Variants in DHTKD1 observed in about 807,000 individuals in gnomAD.
The protein encoded by DHTKD1 is dehydrogenase E1 and transketolase domain containing 1.
Under a neutral mutation model 101.8 loss-of-function variants are expected in DHTKD1, and 78 were observed. The ratio of observed to expected loss-of-function variants is 0.77; its 90% confidence interval spans 0.64 to 0.93. DHTKD1 has a LOEUF of 0.93. DHTKD1 is among the 40% of genes least tolerant of loss of function. The probability of loss-of-function intolerance (pLI) is 0.00; values close to 1 mark genes in which losing one functional copy is unlikely to be tolerated. For synonymous variants in DHTKD1, 462 were observed against 450.3 expected, an observed-to-expected ratio of 1.03 and a Z score of -0.33; for missense variants, 1,223 against 1,161.7, an observed-to-expected ratio of 1.05 and a Z score of -0.77.
At position 12,103,525 on chromosome 10, in the gene DHTKD1, G is replaced by GTA. The variant is rs1554793235; in HGVS notation, c.1896+2345_1896+2346insAT. Among the ~76,000 whole-genome samples, 2 of 127,710 alleles carry GTA rather than the reference G, an allele frequency of 1.6e-5. No homozygotes were observed. Among genetic ancestry groups the GTA allele is most frequent in the African/African-American group, 5.4e-5 (2 of 37,204 alleles). The allele number at this position is 127,710 out of a possible 152,430, so 83.8% of individuals were successfully genotyped here. Reference sequence around the variant, plus strand: ...TGTGTGTGTGTGTGTGTGTGTGTGTGTGTATGTATGTGACAGGTCCTCCTC... The same window carrying GTA: ...TGTGTGTGTGTGTGTGTGTGTGTGTGTATGTATGTATGTGACAGGTCCTCCTC... On this transcript the variant is annotated intron_variant, in intron 10 of 16. Coordinates refer to ENST00000263035, the MANE Select transcript of DHTKD1 (RefSeq NM_018706.7). This position sits in a 1 kb window ranked among gnomAD's most constrained non-coding sequence, Gnocchi z 4.8.
At chr10:12,069,862 C>T (rs953679948) in intron 1 of DHTKD1, among the ~76,000 whole-genome samples, 2 of 151,632 alleles carry the variant, frequency 1.3e-5, no homozygotes, top group African/African-American at 2.4e-5. Flanking sequence ...TTTAATGAGG[C>T]GGAGCTGTGG....
Position 12,103,263 on chromosome 10 carries a change from A to G in DHTKD1, c.1896+2082A>G, listed in dbSNP as rs929397765. ...TTTATTATTTAATACCATGTCCTCTATGTGAAGACCCTGGGAGAAACTCCT... is the reference window on the plus strand; with the variant it reads ...TTTATTATTTAATACCATGTCCTCTGTGTGAAGACCCTGGGAGAAACTCCT... On this transcript the variant is annotated intron_variant, in intron 10 of 16. Transcript: ENST00000263035. The surrounding 1 kb of genome is among the most constrained non-coding windows in gnomAD (Gnocchi z 4.8). 6.6e-6 allele frequency among the ~76,000 whole-genome samples: 1 copy of G among 152,098 alleles called. No individual in the cohort carries two copies. The highest frequency in any genetic ancestry group is 1.5e-5 in the Non-Finnish European group (1 of 68,022).
At chr10:12,092,981 G>A (rs979227796) in intron 6 of DHTKD1, among the ~76,000 whole-genome samples, 1 of 151,720 alleles carries the variant, frequency 6.6e-6, no homozygotes, top group Non-Finnish European at 1.5e-5. Context: ...TGGCTCAAGA[G>A]ATCCTCCCTC....
At chr10:12,116,922 A>G (rs1187764892) in intron 13 of DHTKD1, among the ~76,000 whole-genome samples, 3 of 151,920 alleles carry the variant, frequency 2.0e-5, no homozygotes, top group East Asian at 1.9e-4. Flanking sequence ...GCTGGTCTCA[A>G]ACTTGTGAGT....
chr10:12,102,254 T>A (rs2131617056), intron 10 of DHTKD1, among the ~76,000 whole-genome samples: 1 of 151,846 alleles, frequency 6.6e-6, no homozygotes, highest in East Asian at 1.9e-4. Context: ...TGAAACCCCA[T>A]CTCTACTAAA....
intron 14 of DHTKD1, among the ~76,000 whole-genome samples, 191 bp from the exon 15 acceptor site, chr10:12,118,558 A>AT (rs1453651768): frequency 2.0e-5 from 3 of 151,568 alleles, no homozygotes; most frequent in Non-Finnish European, 2.9e-5. Context: ...AATTTTTTGT[A>AT]TTTTTAGTAG....
rs540303661 is a variant in DHTKD1 at position 12,102,912 on chromosome 10, G to A, written c.1896+1731G>A. On this transcript the variant is annotated intron_variant, in intron 10 of 16. Coordinates refer to ENST00000263035, the MANE Select transcript of DHTKD1 (RefSeq NM_018706.7). The stretch of plus-strand genomic sequence containing the variant: ...TGGGATTACAGGCGTGAACCACCAC[G>A]CCTGGCCGAAGATTTAATTTATTAT... Among the ~76,000 whole-genome samples the A allele has an allele frequency of 2.7e-5, 4 of 148,738 alleles. No homozygotes were observed. In the South Asian group the frequency reaches 7.2e-4, roughly 27 times the overall value.
At chr10:12,116,964 G>A (rs556093719) in intron 13 of DHTKD1, among the ~76,000 whole-genome samples, 1 of 151,876 alleles carries the variant, frequency 6.6e-6, no homozygotes, top group African/African-American at 2.4e-5. Flanking sequence ...GCCTCCCAAA[G>A]TTCTAGGATC....
At chr10:12,116,679 C>G (rs1331882766) in intron 13 of DHTKD1, among the ~76,000 whole-genome samples, 2 of 151,960 alleles carry the variant, frequency 1.3e-5, no homozygotes, top group East Asian at 3.9e-4. Flanking sequence ...GCATGAGCCA[C>G]CGCGCCCAGT....
intron 1 of DHTKD1, among the ~76,000 whole-genome samples, chr10:12,076,488 C>G (rs546510623): frequency 1.1e-4 from 16 of 151,774 alleles, no homozygotes; most frequent in Non-Finnish European, 1.5e-5. Context: ...AAAAAAAGAG[C>G]TTTATTGTAC....
intron 6 of DHTKD1, among the ~76,000 whole-genome samples, 173 bp downstream of exon 6, chr10:12,091,857 T>G (rs1832995661): frequency 6.6e-6 from 1 of 152,066 alleles, no homozygotes; most frequent in Admixed American, 6.6e-5. Context: ...CAGCCTGTAG[T>G]GCAGCAGCAC....
chr10:12,091,791 A>G (rs1832994506), intron 6 of DHTKD1, 107 bp downstream of exon 6: 3 of 783,440 alleles, frequency 3.8e-6, no homozygotes, highest in Middle Eastern at 6.9e-4. Context: ...CCCTCCTTTC[A>G]TTTAATTAAT....
intron 11 of DHTKD1, among the ~76,000 whole-genome samples, chr10:12,106,666 G>A (rs906749952): frequency 2.0e-5 from 3 of 152,256 alleles, no homozygotes; most frequent in Non-Finnish European, 2.9e-5. Flanking sequence ...ATGAAAACCC[G>A]CTCCAGTGTC....
At chr10:12,069,518 C>CTTTTTTTTTTTTTTTTTT (rs10691718) in intron 1 of DHTKD1, among the ~76,000 whole-genome samples, 2 of 81,552 alleles carry the variant, frequency 2.5e-5, no homozygotes, top group African/African-American at 5.2e-5. Context: ...TTTTTGTTTC[C>CTTTTTTTTTTTTTTTTTT]TTTTTTTTTT....
intron 2 of DHTKD1, among the ~76,000 whole-genome samples, chr10:12,084,222 A>G (rs1002225252): frequency 1.3e-5 from 2 of 151,942 alleles, no homozygotes; most frequent in Non-Finnish European, 2.9e-5. Context: ...GCACCCGGCC[A>G]ATAATGACCC....
At chr10:12,101,611 C>T (rs72779641) in intron 10 of DHTKD1, among the ~76,000 whole-genome samples, 4 of 151,836 alleles carry the variant, frequency 2.6e-5, no homozygotes, top group Non-Finnish European at 5.9e-5. Flanking sequence ...GTATTTCTTT[C>T]TTTTTTTTCG....
chr10:12,080,125 A>G (rs1832791240), intron 1 of DHTKD1, among the ~76,000 whole-genome samples: 1 of 152,004 alleles, frequency 6.6e-6, no homozygotes. Flanking sequence ...CTAAAAATAG[A>G]AAAAATTAGC....
chr10:12,075,401 T>C (rs1469742244), intron 1 of DHTKD1, among the ~76,000 whole-genome samples: 1 of 151,502 alleles, frequency 6.6e-6, no homozygotes, highest in African/African-American at 2.4e-5. Flanking sequence ...GAGTCTTGCT[T>C]ATGATTTTTT....
chr10:12,080,847 G>A (rs368215208), intron 1 of DHTKD1, among the ~76,000 whole-genome samples: 83 of 151,906 alleles, frequency 5.5e-4, no homozygotes, highest in African/African-American at 1.9e-3. Context: ...TGAGTGAATC[G>A]CTTGAGCTCA....
Sources: allele counts gnomAD v4.1 joint callset (sites outside exome capture counted in the v4.1 genomes callset), GRCh38; gene constraint gnomAD v4.1.1; non-coding constraint Gnocchi (gnomAD v3.1); transcripts MANE v1.5; gene names NCBI Gene and HGNC (gene_info 2026-07-23, HGNC 2026-07-21).